The following CYP2A6 variants were observed in gnomAD, a reference collection of about 807,000 sequenced individuals.
The protein encoded by CYP2A6 is cytochrome P450 2A6.
A neutral mutation model predicts 42.3 loss-of-function variants in CYP2A6; 27 were observed. The observed-to-expected ratio is 0.64, with a 90% CI of 0.47 to 0.88. The LOEUF (loss-of-function observed/expected upper bound fraction) is 0.88. Among genes scored for constraint, CYP2A6 ranks in the 40% least tolerant of loss-of-function variants. CYP2A6 has a pLI of 0.00. For synonymous variants in CYP2A6, 238 were observed against 246.3 expected, an observed-to-expected ratio of 0.97 and a Z score of 0.31; for missense variants, 628 against 646.0, an observed-to-expected ratio of 0.97 and a Z score of 0.30.
At position 40,845,977 on chromosome 19, in the gene CYP2A6, T is replaced by C. The variant is rs2083454321; in HGVS notation, c.952A>G (p.Met318Val). 1 of 1,610,834 alleles carries C rather than the reference T, an allele frequency of 6.2e-7. No homozygotes were observed. Among genetic ancestry groups the C allele is most frequent in the African/African-American group, 1.3e-5 (1 of 74,262 alleles). ...TTACCCTCCACCTCTGGGTGCTTCA[T>C]GAGCAGCAAGAAGCCATAGCGCAGG... ...TTLRYGFLLL[M>V]KHPEVEAKVH... The change falls in exon 6 of 9, where the codon ATG becomes GTG. Residue 318 changes from methionine (M) to valine (V), a missense_variant. Coordinates refer to ENST00000301141, the MANE Select transcript of CYP2A6 (RefSeq NM_000762.6).
intron 2 of CYP2A6, among the ~76,000 whole-genome samples, chr19:40,848,974 GAGAAGAGAGAGA>G (rs1568515998): frequency 1.5e-4 from 16 of 104,962 alleles, no homozygotes; most frequent in South Asian, 3.1e-4. Flanking sequence ...GAGAGAGAGA[GAGAAGAGAGAGA>G]GGAGAGAGAG....
chr19:40,848,478 C>T (rs1967139163), intron 3 of CYP2A6, 99 bp from the exon 4 acceptor site: 8 of 1,585,114 alleles, frequency 5.0e-6, no homozygotes, highest in Non-Finnish European at 6.9e-6. Flanking sequence ...GAGCCAAATT[C>T]CCAGCGCCAG....
chr19:40,844,651 G>A lies in CYP2A6; in HGVS notation c.1283C>T (p.Ala428Val), dbSNP rs1048171337. 1 of 1,611,640 alleles carries A rather than the reference G, an allele frequency of 6.2e-7. No individual in the cohort carries two copies. Residue 428 changes from alanine to valine, a missense_variant, in exon 8 of 9, where the codon GCT (alanine) becomes GTT (valine). Around this residue, in one of 2 missense-constraint regions of CYP2A6, gnomAD observed 606 missense variants for 568.1 expected, o/e 1.07. Transcript: ENST00000301141. ...CTTACCGATGGAAAAGGGCACAAAA[G>A]CATCACTCTTCTTAAACTGCCCCTT... Reference protein sequence around the residue: ...NEKGQFKKSDAFVPFSIGKRN... With the variant: ...NEKGQFKKSDVFVPFSIGKRN...
In CYP2A6 at chr19:40,848,614, C is replaced by A. The variant is rs754705944; in HGVS notation, c.493G>T (p.Gly165Cys). 1 of 1,611,076 alleles carries A rather than the reference C, an allele frequency of 6.2e-7. No individual in the cohort carries two copies. Among genetic ancestry groups the A allele is most frequent in the South Asian group, 1.1e-5 (1 of 90,854 alleles). The part of the protein sequence containing the change: ...FLIDALRGTG[G>C]ANIDPTFFLS... The stretch of plus-strand genomic sequence containing the variant: ...CCCGCACTCGGGGTCCCCTGCTCAC[C>A]GCCAGTGCCCCGGAGGGCGTCGATG... Residue 165 changes from glycine (G) to cysteine (C), a missense_variant and splice_region_variant, in exon 3 of 9, where the codon GGC becomes TGC. Gly to Cys is a radical substitution (Grantham distance 159, BLOSUM62 -3). Transcript: ENST00000301141.
At chr19:40,844,073 A>G (rs2431413) in intron 8 of CYP2A6, 96 bp from the exon 9 acceptor site, 74,174 of 1,392,108 alleles carry the variant, frequency 0.053, 6,072 homozygotes, top group East Asian at 0.26. Context: ...CCAGGGAGGA[A>G]GGGTGGAATA....
intron 4 of CYP2A6, among the ~76,000 whole-genome samples, chr19:40,847,383 T>C (rs1739824355): frequency 6.6e-6 from 1 of 151,472 alleles, no homozygotes; most frequent in South Asian, 2.1e-4. Context: ...TGTTTAGCTC[T>C]TCAGGTGGGG....
intron 2 of CYP2A6, 143 bp downstream of exon 2, chr19:40,849,675 A>G (rs1416384351): frequency 6.8e-7 from 1 of 1,465,586 alleles, no homozygotes; most frequent in East Asian, 2.5e-5. Context: ...TGGAGAGGCC[A>G]CAATGAAGGG....
rs2083455250 is a variant in CYP2A6, at chr19:40,846,081, T to C, written c.848A>G (p.Asn283Ser). 2 of 1,611,430 alleles carry C rather than the reference T, an allele frequency of 1.2e-6. No homozygotes were observed. The highest frequency in any genetic ancestry group is 1.1e-5 in the South Asian group (1 of 90,912). ...IRMQEEEKNP[N>S]TEFYLKNLVM... ...CAGGTTTTTCAAGTAGAACTCCGTGTTGGGGTTCTTCTCCTCCTGCAGGGA... is the reference window on the plus strand; with the variant it reads ...CAGGTTTTTCAAGTAGAACTCCGTGCTGGGGTTCTTCTCCTCCTGCAGGGA... The change falls in exon 6 of 9, where the codon AAC becomes AGC. Residue 283 changes from asparagine to serine, a missense_variant. Physicochemically the swap from Asn to Ser is conservative, Grantham distance 46. Coordinates refer to ENST00000301141, the MANE Select transcript of CYP2A6 (RefSeq NM_000762.6).
At chr19:40,847,371 G>C (rs1008575049) in intron 4 of CYP2A6, among the ~76,000 whole-genome samples, 71 of 151,562 alleles carry the variant, frequency 4.7e-4, no homozygotes, top group African/African-American at 1.6e-3. Flanking sequence ...CACCTGTCCA[G>C]GTGTTTAGCT....
intron 4 of CYP2A6, among the ~76,000 whole-genome samples, 172 bp from the exon 5 acceptor site, chr19:40,847,223 G>A (rs757251819): frequency 6.6e-6 from 1 of 151,562 alleles, no homozygotes; most frequent in Non-Finnish European, 1.5e-5. Flanking sequence ...TTTCAGGAAG[G>A]TTAGGTACCA....
chr19:40,846,191 G>A, intron 5 of CYP2A6, 94 bp from the exon 6 acceptor site: 7 of 1,535,278 alleles, frequency 4.6e-6, no homozygotes, highest in Non-Finnish European at 6.1e-6. Flanking sequence ...CTTTGGTTCA[G>A]ACCAAAGGTG....
rs370605094 is a variant in CYP2A6 at position 40,850,377 on chromosome 19, A to G, written c.50T>C (p.Val17Ala). The change falls in exon 1 of 9, where the codon GTA (valine) becomes GCA (alanine). Residue 17 changes from valine to alanine, a missense_variant. Val to Ala is a moderately conservative substitution (Grantham distance 64, BLOSUM62 0). Transcript: ENST00000301141. ...CTGCCAAACAGACATCAAGACCATT[A>G]CAGTCAGGCAGACCAGCAAGGCCAC... ...LLVALLVCLT[V>A]MVLMSVWQQR... 1 of 1,610,294 alleles carries G rather than the reference A, an allele frequency of 6.2e-7. No individual in the cohort carries two copies. The highest frequency in any genetic ancestry group is 1.1e-5 in the South Asian group (1 of 90,786).
intron 3 of CYP2A6, 29 bp downstream of exon 3, chr19:40,848,585 T>C (rs1326765400): frequency 1.2e-6 from 2 of 1,606,430 alleles, no homozygotes; most frequent in Non-Finnish European, 8.5e-7. Flanking sequence ...TTCCTTCTCC[T>C]GCCCCCGCAC....
Position 40,845,633 on chromosome 19 carries a change from G to T in CYP2A6, c.974-152C>A, listed in dbSNP as rs8192728. ...AGAACAGACATCAGCCATTCGCATT[G>T]TTGGAGTAGGATCCTGTTAACCAGG... On this transcript the variant is annotated intron_variant, in intron 6 of 8. Transcript: ENST00000301141. The T allele has an allele frequency of 5.3e-3, 7,143 of 1,348,078 alleles. 756 individuals carry two copies. In the East Asian group the frequency reaches 0.11, roughly 21 times the overall value. The allele number at this position is 1,348,078 out of a possible 1,614,324, so 83.5% of individuals were successfully genotyped here. A position where few individuals can be genotyped will look rare whatever the true frequency, so the allele number is the denominator to read the frequency against.
At chr19:40,845,516 G>T (rs766879729) in intron 6 of CYP2A6, 35 bp from the exon 7 acceptor site, 2 of 1,608,028 alleles carry the variant, frequency 1.2e-6, no homozygotes, top group East Asian at 4.6e-5. Context: ...TAGGTATCTA[G>T]GGGTCTCAGA....
rs28399451 is a variant in CYP2A6, at chr19:40,845,938, G to A, written c.973+18C>T. On this transcript the variant is annotated intron_variant, in intron 6 of 8. Transcript: ENST00000301141. ...TGAGGGTCTGGGGCCCTCCACTTCC[G>A]TCCCCCTCCAGCCTTACCCTCCACC... 44,920 of 1,607,730 alleles carry A rather than the reference G, an allele frequency of 0.028. 1,624 individuals are homozygous for A. Among genetic ancestry groups the A allele is most frequent in the African/African-American group, 0.14 (10,464 of 74,124 alleles).
chr19:40,846,222 A>G (rs1967097600), intron 5 of CYP2A6, 125 bp from the exon 6 acceptor site: 1 of 1,360,212 alleles, frequency 7.4e-7, no homozygotes, highest in Middle Eastern at 2.6e-4. Flanking sequence ...CCCTAGATCT[A>G]CCAGACTCGC....
Position 40,848,384 on chromosome 19 carries a change from G to T in CYP2A6, c.494-5C>A. 6.2e-7 allele frequency: 1 copy of T among 1,611,782 alleles called. No homozygotes were observed. The highest frequency in any genetic ancestry group is 1.1e-5 in the South Asian group (1 of 90,902). On this transcript the variant is annotated splice_region_variant and splice_polypyrimidine_tract_variant and intron_variant, in intron 3 of 8. Transcript: ENST00000301141. ...AGGTGGGATCGATATTGGCGCCTGC[G>T]GGTATGGCGGGAGAAGGGGGTTGGG...
In CYP2A6 at chr19:40,848,625, C is replaced by A; in HGVS notation, c.482G>T (p.Arg161Leu). 1 of 1,611,522 alleles carries A rather than the reference C, an allele frequency of 6.2e-7. No homozygotes were observed. Reference protein sequence around the residue: ...EEAGFLIDALRGTGGANIDPT... With the variant: ...EEAGFLIDALLGTGGANIDPT... Reference sequence around the variant, plus strand: ...GGTCCCCTGCTCACCGCCAGTGCCCCGGAGGGCGTCGATGAGGAAGCCCGC... The same window carrying A: ...GGTCCCCTGCTCACCGCCAGTGCCCAGGAGGGCGTCGATGAGGAAGCCCGC... Residue 161 changes from arginine to leucine, a missense_variant, in exon 3 of 9, where the codon CGG becomes CTG. Coordinates refer to ENST00000301141, the MANE Select transcript of CYP2A6 (RefSeq NM_000762.6).
Sources: gnomAD v4.1 joint callset for allele counts (sites outside exome capture counted in the v4.1 genomes callset) on GRCh38, gnomAD v4.1.1 for gene constraint, gnomAD v4.1.1 regional missense constraint, MANE v1.5 for transcripts, NCBI Gene and HGNC (gene_info 2026-07-23, HGNC 2026-07-21) for gene names.